Variants in PCDHGA8 observed in about 807,000 individuals in gnomAD.
The protein encoded by PCDHGA8 is protocadherin gamma-A8.
Under a neutral mutation model 59.2 loss-of-function variants are expected in PCDHGA8, and 45 were observed. The ratio of observed to expected loss-of-function variants is 0.76; its 90% CI spans 0.60 to 0.98. PCDHGA8 has a LOEUF of 0.98. Ranked by LOEUF, PCDHGA8 falls within the 50% of genes least tolerant of loss-of-function variation. PCDHGA8 has a pLI of 0.00. For missense variants in PCDHGA8, 1,257 were observed against 1,196.2 expected (o/e 1.05, Z -0.75); for synonymous variants, 531 against 519.0 (o/e 1.02, Z -0.32).
intron 1 of PCDHGA8, among the ~76,000 whole-genome samples, chr5:141,473,431 G>C (rs541546681): frequency 6.6e-6 from 1 of 152,148 alleles, no homozygotes; most frequent in South Asian, 2.1e-4. Context: ...CAGATACTTT[G>C]CTTATGCAAA....
In PCDHGA8 at chr5:141,489,782, A is replaced by C. The variant is rs770399288; in HGVS notation, c.2425-5025A>C. On this transcript the variant is annotated intron_variant, in intron 1 of 3. Coordinates refer to ENST00000398604, the MANE Select transcript of PCDHGA8 (RefSeq NM_032088.2). The surrounding 1 kb of genome is among the most constrained non-coding windows in gnomAD (Gnocchi z 4.5). ...AGCCCCAACAGCCACTTCTCTCTGA[A>C]TGTGAAGACCCTAAAAGATGGGAAG... 2 of 1,614,078 alleles carry C rather than the reference A, an allele frequency of 1.2e-6. No homozygotes were observed. The highest frequency in any genetic ancestry group is 2.2e-5 in the East Asian group (1 of 44,894).
chr5:141,406,434 A>G (rs1203599965), intron 1 of PCDHGA8, among the ~76,000 whole-genome samples: 1 of 152,238 alleles, frequency 6.6e-6, no homozygotes, highest in Non-Finnish European at 1.5e-5. Context: ...TATTGCTTCT[A>G]TTCTTCCATT....
rs764729742 is a variant in PCDHGA8 at position 141,450,826 on chromosome 5, A to ATTT, written c.2425-43979_2425-43978insTTT. On this transcript the variant is annotated intron_variant, in intron 1 of 3. Coordinates refer to ENST00000398604, the MANE Select transcript of PCDHGA8 (RefSeq NM_032088.2). ...TATTTATTTATTTAATATTATTATT[A>ATTT]TTATTTTTTTTTTTTTGAGATGGGG... 5.5e-3 allele frequency among the ~76,000 whole-genome samples: 742 copies of ATTT among 134,318 alleles called. 10 individuals are homozygous for ATTT. The highest frequency in any genetic ancestry group is 0.013 in the Middle Eastern group (3 of 230). 88.1% of individuals were successfully genotyped at this position (134,318 alleles called of 152,430 possible).
intron 1 of PCDHGA8, among the ~76,000 whole-genome samples, chr5:141,472,273 G>A (rs2099275685): frequency 6.6e-6 from 1 of 152,170 alleles, no homozygotes; most frequent in South Asian, 2.1e-4. Context: ...CGGGCACAGT[G>A]GCTCACACCT....
At chr5:141,458,130 C>A (rs1441742986) in intron 1 of PCDHGA8, among the ~76,000 whole-genome samples, 2 of 152,248 alleles carry the variant, frequency 1.3e-5, no homozygotes, top group African/African-American at 4.8e-5. Flanking sequence ...AGGAACCAGG[C>A]AGAGAAAAAT....
intron 1 of PCDHGA8, among the ~76,000 whole-genome samples, chr5:141,470,014 A>G (rs1394478856): frequency 6.6e-6 from 1 of 152,200 alleles, no homozygotes; most frequent in Non-Finnish European, 1.5e-5. Flanking sequence ...CTGTAATCCC[A>G]GCTACTCGGG....
At chr5:141,472,980 C>CAAAAAAAAAAAA (rs60579131) in intron 1 of PCDHGA8, among the ~76,000 whole-genome samples, 2 of 86,098 alleles carry the variant, frequency 2.3e-5, no homozygotes, top group African/African-American at 3.9e-5. Context: ...GAGTGAAACT[C>CAAAAAAAAAAAA]AAAAAAAAAA....
rs1479370833 is a variant in PCDHGA8, at chr5:141,395,067, AC to A, written c.2256del (p.Tyr753IlefsTer16). ...GVEEVQAFLQ[T>X]YSQEVSLTAD... ...TGAGGAGGTACAGGCTTTCCTGCAG[AC>A]CTATTCCCAGGAAGTCTCCCTCACC... On this transcript the variant is annotated frameshift_variant, in exon 1 of 4. Transcript: ENST00000398604. LOFTEE classifies it high-confidence loss of function. 1 of 1,613,888 alleles carries A rather than the reference AC, an allele frequency of 6.2e-7. No homozygotes were observed. The highest frequency in any genetic ancestry group is 1.3e-5 in the African/African-American group (1 of 74,858).
chr5:141,505,320 C>G, intron 2 of PCDHGA8, 73 bp from the exon 3 acceptor site: 2 of 1,605,358 alleles, frequency 1.2e-6, no homozygotes, highest in Non-Finnish European at 1.7e-6. Context: ...TTTGGGAGCC[C>G]TGGGAGAGGA....
Position 141,431,724 on chromosome 5 carries a change from T to C in PCDHGA8, c.2424+36487T>C, listed in dbSNP as rs758754345. The C allele has an allele frequency of 6.2e-7, 1 of 1,614,036 alleles. No individual in the cohort carries two copies. Among genetic ancestry groups the C allele is most frequent in the Non-Finnish European group, 8.5e-7 (1 of 1,180,036 alleles). On this transcript the variant is annotated intron_variant, in intron 1 of 3. Coordinates refer to ENST00000398604, the MANE Select transcript of PCDHGA8 (RefSeq NM_032088.2). This position sits in a 1 kb window ranked among gnomAD's most constrained non-coding sequence, Gnocchi z 4.8. The stretch of plus-strand genomic sequence containing the variant: ...TTCTACCAGATGGAAGTGCAAGCAA[T>C]GGATAATGCAGGATATTCTGCGCGA...
At chr5:141,413,775 G>T in intron 1 of PCDHGA8, 1 of 1,612,878 alleles carries the variant, frequency 6.2e-7, no homozygotes, top group South Asian at 1.1e-5. Context: ...AGCTGGTACT[G>T]GAGCACTCCC....
At chr5:141,464,024 G>A (rs2099074308) in intron 1 of PCDHGA8, among the ~76,000 whole-genome samples, 1 of 151,996 alleles carries the variant, frequency 6.6e-6, no homozygotes, top group East Asian at 1.9e-4. Context: ...CCACACTTTG[G>A]GAGGCCAAGG....
At chr5:141,444,115 AG>A (rs1206374963) in intron 1 of PCDHGA8, among the ~76,000 whole-genome samples, 3 of 147,326 alleles carry the variant, frequency 2.0e-5, no homozygotes, top group Admixed American at 2.0e-4. Context: ...AGAAAAGTGA[AG>A]TATCTCAACA....
At chr5:141,423,508 A>G (rs962526072) in intron 1 of PCDHGA8, 2 of 1,613,860 alleles carry the variant, frequency 1.2e-6, no homozygotes, top group African/African-American at 2.7e-5. Context: ...GGTCTCTCTC[A>G]TTGCGGACTC....
Position 141,491,507 on chromosome 5 carries a change from C to G in PCDHGA8, c.2425-3300C>G, listed in dbSNP as rs755899622. The stretch of plus-strand genomic sequence containing the variant: ...AACCTGCAGGTGAGCTCGGACGGCA[C>G]GCTCAAGTACATGGAGGTGACGCTG... On this transcript the variant is annotated intron_variant, in intron 1 of 3. Coordinates refer to ENST00000398604, the MANE Select transcript of PCDHGA8 (RefSeq NM_032088.2). This position sits in a 1 kb window ranked among gnomAD's most constrained non-coding sequence, Gnocchi z 6.9. 1.5e-5 allele frequency: 24 copies of G among 1,614,038 alleles called. No individual in the cohort carries two copies. The highest frequency in any genetic ancestry group is 2.0e-5 in the Non-Finnish European group (24 of 1,180,016).
chr5:141,433,140 CAGGTGATTCGGTATTTTCTAAAG>C (rs2097570930), intron 1 of PCDHGA8: 1 of 1,613,948 alleles, frequency 6.2e-7, no homozygotes, highest in Non-Finnish European at 8.5e-7. Flanking sequence ...CTTTTGCTGT[CAGGTGATTCGGTATTTTCTAAAG>C]ACAGTCATGG....
intron 1 of PCDHGA8, among the ~76,000 whole-genome samples, chr5:141,467,047 A>G (rs1271306217): frequency 1.3e-5 from 2 of 149,986 alleles, no homozygotes; most frequent in East Asian, 3.9e-4. Context: ...GTAATGAATC[A>G]ATGTTTTCTT....
intron 1 of PCDHGA8, chr5:141,405,545 A>G (rs952875482): frequency 1.6e-6 from 1 of 631,162 alleles, no homozygotes; most frequent in South Asian, 2.0e-5. Flanking sequence ...TCAGCCTCCC[A>G]AGTAGAGTAG....
intron 1 of PCDHGA8, among the ~76,000 whole-genome samples, chr5:141,474,185 C>T (rs1481544975): frequency 1.3e-5 from 2 of 152,180 alleles, no homozygotes; most frequent in Non-Finnish European, 2.9e-5. Flanking sequence ...AAACTACTTA[C>T]ATTTTTAAAA....
Sources: allele counts gnomAD v4.1 joint callset (sites outside exome capture counted in the v4.1 genomes callset), GRCh38; gene constraint gnomAD v4.1.1; non-coding constraint Gnocchi (gnomAD v3.1); transcripts MANE v1.5; gene names NCBI Gene and HGNC (gene_info 2026-07-23, HGNC 2026-07-21).